Variants in PSG5 observed in about 807,000 individuals in gnomAD.
PSG5 encodes the protein pregnancy specific beta-1-glycoprotein 5.
Under a neutral mutation model 37.7 loss-of-function variants are expected in PSG5, and 53 were observed. That is an observed-to-expected ratio of 1.41 (90% CI 1.13 to 1.77). The LOEUF is 1.77. Ranked by LOEUF, PSG5 falls within the 40% of genes most tolerant of loss-of-function variation. PSG5 has a pLI of 0.00. For missense variants in PSG5, 547 were observed against 405.2 expected (o/e 1.35, Z -3.00); for synonymous variants, 221 against 155.4 (o/e 1.42, Z -3.14).
At chr19:43,180,920 C>T (rs1417823939) in intron 2 of PSG5, among the ~76,000 whole-genome samples, 3 of 151,344 alleles carry the variant, frequency 2.0e-5, no homozygotes, top group African/African-American at 2.4e-5. Context: ...GAAAGAACTC[C>T]CTGCTTCTAA....
chr19:43,175,516 G>A, intron 3 of PSG5, 47 bp from the exon 4 acceptor site: 2 of 1,568,296 alleles, frequency 1.3e-6, no homozygotes, highest in Non-Finnish European at 1.7e-6. Flanking sequence ...CCAAGGGAAG[G>A]GGATGCTCCT....
Position 43,186,384 on chromosome 19 carries a change from G to C in PSG5, c.22C>G (p.Pro8Ala). 1 of 1,612,212 alleles carries C rather than the reference G, an allele frequency of 6.2e-7. No homozygotes were observed. Among genetic ancestry groups the C allele is most frequent in the African/African-American group, 1.3e-5 (1 of 74,628 alleles). ...TTCCAGGTGATGTGCTGTGTGCAGG[G>C]AGGGGCTGAGAGGGGCCCCATGGTC... MGPLSAP[P>A]CTQHITWKGL... Residue 8 changes from proline to alanine, a missense_variant, in exon 1 of 6, where the codon CCC becomes GCC. Transcript: ENST00000342951.
intron 2 of PSG5, chr19:43,179,085 G>A (rs756292700): frequency 3.7e-6 from 6 of 1,611,630 alleles, no homozygotes; most frequent in East Asian, 2.2e-5. Context: ...AGGATCACAG[G>A]TTAAGATCAC....
intron 4 of PSG5, chr19:43,174,979 AT>A (rs1363719829): frequency 7.2e-7 from 1 of 1,385,448 alleles, no homozygotes; most frequent in East Asian, 2.5e-5. Context: ...CTCAGGGCTG[AT>A]AAAGCCCCCT....
At chr19:43,186,040 T>G (rs12104225) in intron 1 of PSG5, among the ~76,000 whole-genome samples, 6 of 150,728 alleles carry the variant, frequency 4.0e-5, no homozygotes, top group African/African-American at 1.5e-4. Flanking sequence ...GCAGTGGTGC[T>G]ATCTCGGCTC....
rs778528228 is a variant in PSG5 at position 43,184,974 on chromosome 19, T to C, written c.238A>G (p.Thr80Ala). Reference sequence around the variant, plus strand: ...ATTTGACCGTCTACTACATATGATGTAATGTAATGGTAGAGGTCCATCAGT... The same window carrying C: ...ATTTGACCGTCTACTACATATGATGCAATGTAATGGTAGAGGTCCATCAGT... ...GQLMDLYHYI[T>A]SYVVDGQINI... The change falls in exon 2 of 6, where the codon ACA (threonine) becomes GCA (alanine). Residue 80 changes from threonine to alanine, a missense_variant. Transcript: ENST00000342951. 8.7e-6 allele frequency: 14 copies of C among 1,612,452 alleles called. 1 individual carries two copies. The highest frequency in any genetic ancestry group is 3.3e-4 in the Middle Eastern group (2 of 6,054).
chr19:43,172,089 A>G (rs1968919282), intron 4 of PSG5, among the ~76,000 whole-genome samples: 1 of 151,604 alleles, frequency 6.6e-6, no homozygotes, highest in Non-Finnish European at 1.5e-5. Flanking sequence ...ATGCAAATAA[A>G]TTGGATAACC....
At chr19:43,181,304 A>C (rs948722552) in intron 2 of PSG5, among the ~76,000 whole-genome samples, 1 of 151,720 alleles carries the variant, frequency 6.6e-6, no homozygotes, top group Non-Finnish European at 1.5e-5. Context: ...TTAAATGTGA[A>C]GTTGAATGTG....
intron 2 of PSG5, among the ~76,000 whole-genome samples, chr19:43,182,611 G>T (rs1426483981): frequency 1.3e-5 from 2 of 150,166 alleles, no homozygotes; most frequent in South Asian, 2.1e-4. Context: ...ATCCACTGGG[G>T]AGGCTGATTT....
rs1135901 is a variant in PSG5 at position 43,175,885 on chromosome 19, T to C, written c.694A>G (p.Thr232Ala). 9.9e-6 allele frequency: 16 copies of C among 1,611,908 alleles called. 1 individual carries two copies. In the African/African-American group the frequency reaches 2.0e-4, roughly 20 times the overall value. ...RDGGMRSDPVTLNVLYGPDLP... is the reference protein window; with the variant it reads ...RDGGMRSDPVALNVLYGPDLP... Reference sequence around the variant, plus strand: ...AGATACTCACAGAGGACATTCAGGGTGACTGGGTCACTGCGCATGCCACCA... The same window carrying C: ...AGATACTCACAGAGGACATTCAGGGCGACTGGGTCACTGCGCATGCCACCA... Residue 232 changes from threonine to alanine, a missense_variant, in exon 3 of 6, where the codon ACC (threonine) becomes GCC (alanine). Thr to Ala is a moderately conservative substitution (Grantham distance 58). Transcript: ENST00000342951.
At position 43,183,786 on chromosome 19, in the gene PSG5, G is replaced by A. The variant is rs139196749; in HGVS notation, c.430+996C>T. On this transcript the variant is annotated intron_variant, in intron 2 of 5. Coordinates refer to ENST00000342951, the MANE Select transcript of PSG5 (RefSeq NM_002781.4). ...CTTCTGGTGGAGAAGATGGGCCTGT[G>A]GCTGCAGACAGACCTCATGTGACCC... Among the ~76,000 whole-genome samples the A allele has an allele frequency of 3.3e-5, 5 of 150,228 alleles. No individual in the cohort carries two copies. The East Asian group carries it at 9.7e-4, about 29-fold the overall frequency.
In PSG5 at chr19:43,184,916, T is replaced by C. The variant is rs1258695051; in HGVS notation, c.296A>G (p.Glu99Gly). 3 of 1,612,592 alleles carry C rather than the reference T, an allele frequency of 1.9e-6. 1 individual carries two copies. Among genetic ancestry groups the C allele is most frequent in the Non-Finnish European group, 2.5e-6 (3 of 1,179,178 alleles). Residue 99 changes from glutamate to glycine, a missense_variant, in exon 2 of 6, where the codon GAA (glutamate) becomes GGA (glycine). Transcript: ENST00000342951. The part of the protein sequence containing the change: ...NIYGPAYTGR[E>G]TVYSNASLLI... Reference sequence around the variant, plus strand: ...CAGGGATGCATTGGAATATACTGTTTCTCGTCCAGTGTATGCAGGCCCATA... The same window carrying C: ...CAGGGATGCATTGGAATATACTGTTCCTCGTCCAGTGTATGCAGGCCCATA...
chr19:43,168,525 C>T (rs750167049), intron 5 of PSG5, among the ~76,000 whole-genome samples: 1 of 151,380 alleles, frequency 6.6e-6, no homozygotes, highest in Non-Finnish European at 1.5e-5. Context: ...CCTGCCACCA[C>T]GCCCGGCAAA....
At chr19:43,177,185 C>T (rs1969029507) in intron 2 of PSG5, among the ~76,000 whole-genome samples, 1 of 151,480 alleles carries the variant, frequency 6.6e-6, no homozygotes, top group Non-Finnish European at 1.5e-5. Context: ...TGCTGTTTGC[C>T]AGGAGCTGGG....
rs757739589 is a variant in PSG5, at chr19:43,175,139, T to G, written c.964+76A>C. The G allele has an allele frequency of 1.6e-5, 26 of 1,609,818 alleles. No individual in the cohort carries two copies. The African/African-American group carries it at 3.4e-4, about 21-fold the overall frequency. On this transcript the variant is annotated intron_variant, in intron 4 of 5. Coordinates refer to ENST00000342951, the MANE Select transcript of PSG5 (RefSeq NM_002781.4). ...GGGACACAGGCTGGGAATAAAAATG[T>G]TTTCCTAACTCTTCTCTGAAAGCCA...
intron 5 of PSG5, among the ~76,000 whole-genome samples, chr19:43,168,462 G>C (rs1047456517): frequency 2.6e-5 from 4 of 151,376 alleles, no homozygotes; most frequent in African/African-American, 4.9e-5. Context: ...TCTGCCTCCC[G>C]GGTTCATGCC....
At chr19:43,171,855 A>G (rs140208810) in intron 4 of PSG5, among the ~76,000 whole-genome samples, 7 of 151,014 alleles carry the variant, frequency 4.6e-5, no homozygotes, top group African/African-American at 1.7e-4. Context: ...ACCTGTAGTC[A>G]TAGCATCTTG....
intron 3 of PSG5, 126 bp from the exon 4 acceptor site, chr19:43,175,595 T>A: frequency 1.4e-6 from 2 of 1,455,714 alleles, no homozygotes; most frequent in Non-Finnish European, 9.2e-7. Context: ...GAACCCCCAC[T>A]ATATTCACTG....
chr19:43,171,558 A>G, intron 4 of PSG5: 1 of 397,134 alleles, frequency 2.5e-6, no homozygotes, highest in Non-Finnish European at 4.4e-6. Context: ...TGGAAAAAGA[A>G]TAGAGGAAAT....
Sources: gnomAD v4.1 joint callset for allele counts (sites outside exome capture counted in the v4.1 genomes callset) on GRCh38, gnomAD v4.1.1 for gene constraint, MANE v1.5 for transcripts, NCBI Gene and HGNC (gene_info 2026-07-23, HGNC 2026-07-21) for gene names.